The following ADAM32 variants were observed in gnomAD, a reference collection of about 807,000 sequenced individuals.
The protein encoded by ADAM32 is ADAM metallopeptidase domain 32.
ADAM32 carries 89 observed loss-of-function variants against 114.9 expected under a neutral mutation model. The observed-to-expected ratio is 0.77, with a 90% CI of 0.65 to 0.92. The LOEUF is 0.92. Among genes scored for constraint, ADAM32 ranks in the 40% least tolerant of loss-of-function variants. ADAM32 has a pLI of 0.00. For synonymous variants in ADAM32, 285 were observed against 307.5 expected, an observed-to-expected ratio of 0.93 and a Z score of 0.77; for missense variants, 870 against 932.8, an observed-to-expected ratio of 0.93 and a Z score of 0.88.
intron 17 of ADAM32, among the ~76,000 whole-genome samples, chr8:39,254,151 C>T (rs958936931): frequency 6.6e-6 from 1 of 150,666 alleles, no homozygotes; most frequent in Non-Finnish European, 1.5e-5. Flanking sequence ...GAAATTGCAT[C>T]GTAAATTTGT....
At chr8:39,210,621 C>T (rs186806880) in intron 11 of ADAM32, among the ~76,000 whole-genome samples, 24 of 152,254 alleles carry the variant, frequency 1.6e-4, no homozygotes, top group Admixed American at 3.9e-4. Flanking sequence ...TTCTTCCTTG[C>T]CTTACAGATG....
Position 39,151,385 on chromosome 8 carries a change from T to G in ADAM32, c.362T>G (p.Leu121Arg). ...LSTCSGLRGI[L>R]QFENVSYGIE... ...TATTCATAATTTCACAGAGGAATAC[T>G]GCAATTTGAAAATGTTTCTTATGGA... The change falls in exon 6 of 25, where the codon CTG becomes CGG. Residue 121 changes from leucine (L) to arginine (R), a missense_variant. Transcript: ENST00000379907. The G allele has an allele frequency of 6.3e-7, 1 of 1,590,620 alleles. No individual in the cohort carries two copies. Among genetic ancestry groups the G allele is most frequent in the Non-Finnish European group, 8.5e-7 (1 of 1,171,910 alleles).
chr8:39,225,546 A>T (rs567915693), intron 14 of ADAM32, among the ~76,000 whole-genome samples: 1 of 152,200 alleles, frequency 6.6e-6, no homozygotes, highest in African/African-American at 2.4e-5. Flanking sequence ...GCCCGGGGCC[A>T]TGACCTCCCT....
At chr8:39,205,605 A>C (rs1244004294) in intron 11 of ADAM32, among the ~76,000 whole-genome samples, 1 of 152,154 alleles carries the variant, frequency 6.6e-6, no homozygotes, top group Non-Finnish European at 1.5e-5. Flanking sequence ...TTCGCCTCAC[A>C]CTTGGTGCGC....
chr8:39,170,092 C>T (rs1022017227), intron 10 of ADAM32, 95 bp downstream of exon 10: 2 of 938,396 alleles, frequency 2.1e-6, no homozygotes, highest in African/African-American at 3.4e-5. Context: ...TGCATGTTTC[C>T]ATTTACAGAT....
At chr8:39,185,291 G>C (rs1286291900) in intron 10 of ADAM32, among the ~76,000 whole-genome samples, 1 of 149,180 alleles carries the variant, frequency 6.7e-6, no homozygotes, top group Non-Finnish European at 1.5e-5. Context: ...ATTCCAACTG[G>C]TTTCAGAGAA....
intron 1 of ADAM32, among the ~76,000 whole-genome samples, chr8:39,109,018 G>C (rs1840043481): frequency 6.6e-6 from 1 of 152,218 alleles, no homozygotes; most frequent in South Asian, 2.1e-4. Flanking sequence ...ACCAAATACT[G>C]TCACATTGGG....
intron 11 of ADAM32, among the ~76,000 whole-genome samples, chr8:39,207,783 A>C (rs987092722): frequency 1.1e-4 from 16 of 152,146 alleles, no homozygotes. Context: ...TTTTTATGAA[A>C]TCAACTTTTT....
intron 2 of ADAM32, among the ~76,000 whole-genome samples, chr8:39,128,451 GGGTCTTGGC>G (rs1243933185): frequency 2.6e-5 from 4 of 152,110 alleles, no homozygotes; most frequent in Non-Finnish European, 5.9e-5. Context: ...GCATACTGAT[GGGTCTTGGC>G]TCTTTATCCA....
chr8:39,118,270 CTT>C, intron 2 of ADAM32, 105 bp downstream of exon 2: 1 of 592,262 alleles, frequency 1.7e-6, no homozygotes, highest in Non-Finnish European at 2.6e-6. Flanking sequence ...TATAATGTCT[CTT>C]GTATTTCTAC....
At chr8:39,226,050 T>TA (rs573213228) in intron 14 of ADAM32, among the ~76,000 whole-genome samples, 60 of 151,212 alleles carry the variant, frequency 4.0e-4, no homozygotes, top group Non-Finnish European at 5.3e-4. Flanking sequence ...TACATTTTTA[T>TA]AAAAAAAAAT....
intron 11 of ADAM32, among the ~76,000 whole-genome samples, chr8:39,198,535 G>T (rs1455067099): frequency 2.6e-5 from 4 of 152,018 alleles, no homozygotes; most frequent in Non-Finnish European, 4.4e-5. Flanking sequence ...GCACCACCAT[G>T]CCTGGCTAAC....
chr8:39,185,287 A>G lies in ADAM32; in HGVS notation c.916-1622A>G, dbSNP rs560064569. 3.3e-5 allele frequency among the ~76,000 whole-genome samples: 5 copies of G among 150,302 alleles called. No homozygotes were observed. The South Asian group carries it at 1.1e-3, about 32-fold the overall frequency. On this transcript the variant is annotated intron_variant, in intron 10 of 24. Coordinates refer to ENST00000379907, the MANE Select transcript of ADAM32 (RefSeq NM_145004.7). ...TCTCAAAAAAAAAAAAAAAATTCCAACTGGTTTCAGAGAACCAAGATCCAT... is the reference window on the plus strand; with the variant it reads ...TCTCAAAAAAAAAAAAAAAATTCCAGCTGGTTTCAGAGAACCAAGATCCAT...
intron 1 of ADAM32, among the ~76,000 whole-genome samples, chr8:39,115,250 G>C (rs1840328339): frequency 6.6e-6 from 1 of 151,864 alleles, no homozygotes; most frequent in African/African-American, 2.4e-5. Flanking sequence ...GGGACTTCTG[G>C]GTAAAATGGG....
intron 13 of ADAM32, 98 bp from the exon 14 acceptor site, chr8:39,222,942 G>A (rs1809083066): frequency 1.0e-6 from 1 of 977,200 alleles, no homozygotes; most frequent in Admixed American, 3.3e-5. Flanking sequence ...TTAATGGATA[G>A]ACTAAAGCGA....
chr8:39,125,892 C>G (rs1343565486), intron 2 of ADAM32, among the ~76,000 whole-genome samples: 1 of 152,124 alleles, frequency 6.6e-6, no homozygotes. Flanking sequence ...TTTGCCAGTT[C>G]TCTTAGCACC....
intron 10 of ADAM32, among the ~76,000 whole-genome samples, chr8:39,183,453 G>A (rs1006546181): frequency 6.6e-6 from 1 of 152,054 alleles, no homozygotes; most frequent in African/African-American, 2.4e-5. Context: ...ACCAGCCTGG[G>A]GCTATTCCCA....
At chr8:39,252,060 G>C (rs1301132317) in intron 17 of ADAM32, among the ~76,000 whole-genome samples, 1 of 151,720 alleles carries the variant, frequency 6.6e-6, no homozygotes, top group Non-Finnish European at 1.5e-5. Context: ...TCTTTATTCT[G>C]TTCCATTGGT....
At chr8:39,126,572 T>A (rs1802128563) in intron 2 of ADAM32, among the ~76,000 whole-genome samples, 1 of 152,214 alleles carries the variant, frequency 6.6e-6, no homozygotes, top group Non-Finnish European at 1.5e-5. Flanking sequence ...TAAGAAGCTT[T>A]TGGGCTGAGA....
Sources: gnomAD v4.1 joint callset for allele counts (sites outside exome capture counted in the v4.1 genomes callset) on GRCh38, gnomAD v4.1.1 for gene constraint, MANE v1.5 for transcripts, NCBI Gene and HGNC (gene_info 2026-07-23, HGNC 2026-07-21) for gene names.